KIF26B: variants seen among roughly 807,000 people sequenced by gnomAD.
KIF26B encodes kinesin-like protein KIF26B.
In KIF26B, 63 loss-of-function variants were observed where a neutral mutation model predicts 151.2. The ratio of observed to expected loss-of-function variants is 0.42; its 90% CI spans 0.34 to 0.51. KIF26B has a LOEUF of 0.51. Ranked by LOEUF, KIF26B falls within the 20% of genes least tolerant of loss-of-function variation. The pLI is 0.07. For missense variants in KIF26B, 2,813 were observed against 2,913.6 expected, an observed-to-expected ratio of 0.97 and a Z score of 0.79; for synonymous variants, 1,357 against 1,262.1, an observed-to-expected ratio of 1.08 and a Z score of -1.59.
intron 2 of KIF26B, among the ~76,000 whole-genome samples, chr1:245,284,737 G>A (rs944197002): frequency 6.6e-6 from 1 of 152,122 alleles, no homozygotes; most frequent in African/African-American, 2.4e-5. Flanking sequence ...ACAAAACTTA[G>A]TGATTTAAAA....
At chr1:245,335,488 AGGG>A (rs1201538669) in intron 2 of KIF26B, among the ~76,000 whole-genome samples, 23 of 93,430 alleles carry the variant, frequency 2.5e-4, no homozygotes, top group African/African-American at 1.3e-3. Flanking sequence ...CTGGACTGTG[AGGG>A]AGGAAGCTTG....
chr1:245,325,837 G>C (rs1350597579), intron 2 of KIF26B, among the ~76,000 whole-genome samples: 1 of 152,134 alleles, frequency 6.6e-6, no homozygotes, highest in African/African-American at 2.4e-5. Context: ...GTGTGGCGGA[G>C]GGGGGGTGGT....
At chr1:245,293,405 C>A (rs117872029) in intron 2 of KIF26B, among the ~76,000 whole-genome samples, 1 of 151,918 alleles carries the variant, frequency 6.6e-6, no homozygotes, top group Non-Finnish European at 1.5e-5. Context: ...AAATGACCAG[C>A]GTGGACTCTG....
chr1:245,693,546 C>T (rs572196755), intron 12 of KIF26B, among the ~76,000 whole-genome samples: 1 of 152,290 alleles, frequency 6.6e-6, no homozygotes, highest in South Asian at 2.1e-4. Context: ...GTCTAGTCTG[C>T]TACTTTGTCA....
At position 245,661,817 on chromosome 1, in the gene KIF26B, A is replaced by G. The variant is rs553143645; in HGVS notation, c.2258+15537A>G. On this transcript the variant is annotated intron_variant, in intron 10 of 14. Coordinates refer to ENST00000407071, the MANE Select transcript of KIF26B (RefSeq NM_018012.4). The stretch of plus-strand genomic sequence containing the variant: ...CACACACACAATATATATACACCCA[A>G]TGATATATATATTACACACACCATA... Among the ~76,000 whole-genome samples, 49 of 136,958 alleles carry G rather than the reference A, an allele frequency of 3.6e-4. No homozygotes were observed. In the South Asian group the frequency reaches 0.011, roughly 29 times the overall value. 89.8% of individuals were successfully genotyped at this position (136,958 alleles called of 152,430 possible).
chr1:245,602,810 A>AGGCAACGTTGATGAAAG lies in KIF26B; in HGVS notation c.1557+37_1557+53dup, dbSNP rs1247933322. The AGGCAACGTTGATGAAAG allele has an allele frequency of 2.5e-6, 4 of 1,608,230 alleles. No homozygotes were observed. The South Asian group carries it at 4.4e-5, about 18-fold the overall frequency. On this transcript the variant is annotated intron_variant, in intron 6 of 14. Coordinates refer to ENST00000407071, the MANE Select transcript of KIF26B (RefSeq NM_018012.4). This position sits in a 1 kb window ranked among gnomAD's most constrained non-coding sequence, Gnocchi z 4.5. ...TGGGTATCAGCCCCCTCTCAGGCTC[A>AGGCAACGTTGATGAAAG]GGCAACGTTGATGAAAGGGCAACGT...
intron 2 of KIF26B, among the ~76,000 whole-genome samples, chr1:245,201,901 G>T (rs1215924886): frequency 6.6e-6 from 1 of 152,180 alleles, no homozygotes; most frequent in Non-Finnish European, 1.5e-5. Context: ...TCATGCTCCA[G>T]GGAGAAGTCT....
chr1:245,203,295 G>C (rs943197043), intron 2 of KIF26B, among the ~76,000 whole-genome samples: 1 of 151,506 alleles, frequency 6.6e-6, no homozygotes, highest in Non-Finnish European at 1.5e-5. Flanking sequence ...GCTGATTTTG[G>C]CATCCATAAG....
At chr1:245,553,139 C>T (rs1477055620) in intron 5 of KIF26B, among the ~76,000 whole-genome samples, 2 of 152,210 alleles carry the variant, frequency 1.3e-5, no homozygotes, top group African/African-American at 4.8e-5. Context: ...GTTCAGAAGG[C>T]TCCATCCTCA....
At chr1:245,615,376 T>G (rs2043577469) in intron 9 of KIF26B, among the ~76,000 whole-genome samples, 1 of 152,230 alleles carries the variant, frequency 6.6e-6, no homozygotes, top group Non-Finnish European at 1.5e-5. Flanking sequence ...TTTTTTCTTT[T>G]TTGCAGTTCT....
rs896952420 is a variant in KIF26B at position 245,378,800 on chromosome 1, A to C, written c.999+11433A>C. On this transcript the variant is annotated intron_variant, in intron 3 of 14. Coordinates refer to ENST00000407071, the MANE Select transcript of KIF26B (RefSeq NM_018012.4). ...TGGATTTGCTGCTCATGCACCAGAA[A>C]TAAAACACCAGGTTCCTTGCTGACT... Among the ~76,000 whole-genome samples the C allele has an allele frequency of 3.9e-5, 6 of 152,330 alleles. No individual in the cohort carries two copies. In the South Asian group the frequency reaches 6.2e-4, roughly 16 times the overall value.
chr1:245,159,160 A>G (rs563118778), intron 2 of KIF26B, among the ~76,000 whole-genome samples: 1 of 152,312 alleles, frequency 6.6e-6, no homozygotes, highest in South Asian at 2.1e-4. Context: ...AGTCTGGAAG[A>G]TAAAGACATG....
chr1:245,438,942 G>C (rs1192850573), intron 4 of KIF26B, among the ~76,000 whole-genome samples: 2 of 152,124 alleles, frequency 1.3e-5, no homozygotes, highest in Non-Finnish European at 2.9e-5. Flanking sequence ...GAAATGTTTG[G>C]GGGTAATGGA....
chr1:245,392,293 A>G (rs1279465645), intron 3 of KIF26B, among the ~76,000 whole-genome samples: 1 of 152,162 alleles, frequency 6.6e-6, no homozygotes, highest in Admixed American at 6.5e-5. Flanking sequence ...ATTTGTTATG[A>G]TTTGGGTTGG....
At chr1:245,191,405 A>G (rs943573657) in intron 2 of KIF26B, among the ~76,000 whole-genome samples, 4 of 151,834 alleles carry the variant, frequency 2.6e-5, no homozygotes, top group South Asian at 4.2e-4. Flanking sequence ...AACCCAGGAG[A>G]CAGAGGGTGC....
intron 10 of KIF26B, among the ~76,000 whole-genome samples, chr1:245,650,164 C>T (rs2043999686): frequency 6.6e-6 from 1 of 152,220 alleles, no homozygotes; most frequent in Admixed American, 6.5e-5. Flanking sequence ...ACAGGCTGCA[C>T]AAATTACTCT....
intron 2 of KIF26B, among the ~76,000 whole-genome samples, chr1:245,225,482 A>C (rs562990892): frequency 1.3e-5 from 2 of 152,310 alleles, no homozygotes; most frequent in South Asian, 4.1e-4. Context: ...CATGCGTCGG[A>C]TGCTTACACC....
intron 4 of KIF26B, among the ~76,000 whole-genome samples, chr1:245,424,029 T>C (rs918079907): frequency 6.6e-6 from 1 of 152,018 alleles, no homozygotes; most frequent in East Asian, 1.9e-4. Flanking sequence ...TTTGAAGAGA[T>C]GAGTCTCCCT....
At chr1:245,659,868 A>G (rs1348776389) in intron 10 of KIF26B, among the ~76,000 whole-genome samples, 3 of 150,588 alleles carry the variant, frequency 2.0e-5, no homozygotes, top group Non-Finnish European at 4.4e-5. Context: ...GCAAAACCCA[A>G]TATCTACTAA....
Sources: allele counts gnomAD v4.1 joint callset (sites outside exome capture counted in the v4.1 genomes callset), GRCh38; gene constraint gnomAD v4.1.1; non-coding constraint Gnocchi (gnomAD v3.1); transcripts MANE v1.5; gene names NCBI Gene and HGNC (gene_info 2026-07-23, HGNC 2026-07-21).